UBXN11: variants seen among roughly 807,000 people sequenced by gnomAD.
UBXN11 encodes the protein UBX domain protein 11.
UBXN11 carries 47 observed loss-of-function variants against 62.8 expected under a neutral mutation model. The observed-to-expected ratio is 0.75, with a 90% CI of 0.59 to 0.95. UBXN11 has a LOEUF of 0.95. Among genes scored for constraint, UBXN11 ranks in the 40% least tolerant of loss-of-function variants. UBXN11 has a pLI of 0.00. For synonymous variants in UBXN11, 294 were observed against 267.0 expected (o/e 1.10, Z -0.99); for missense variants, 638 against 661.7 (o/e 0.96, Z 0.39).
upstream of UBXN11, among the ~76,000 whole-genome samples, chr1:26,307,624 CTTTT>C (rs58120340): frequency 2.8e-4 from 36 of 127,892 alleles, no homozygotes; most frequent in Non-Finnish European, 3.4e-4. Context: ...TTTTCTGTTG[CTTTT>C]TTTTTTTTTT....
intron 1 of UBXN11, among the ~76,000 whole-genome samples, chr1:26,304,062 C>A (rs964762366): frequency 1.3e-5 from 2 of 152,150 alleles, no homozygotes; most frequent in African/African-American, 4.8e-5. Flanking sequence ...CAGCCTGGAC[C>A]AAATTTTTTA....
chr1:26,301,519 C>T (rs1434135414), intron 3 of UBXN11, among the ~76,000 whole-genome samples, 175 bp downstream of exon 3: 1 of 152,136 alleles, frequency 6.6e-6, no homozygotes, highest in Non-Finnish European at 1.5e-5. Context: ...CTGAGAGCTT[C>T]CAGGAGGGAA....
At chr1:26,286,672 G>A (rs895440763) in intron 8 of UBXN11, among the ~76,000 whole-genome samples, 18 of 111,114 alleles carry the variant, frequency 1.6e-4, no homozygotes, top group Admixed American at 3.8e-4. Flanking sequence ...TGGTCCTTAC[G>A]CCAACCCTGA....
upstream of UBXN11, among the ~76,000 whole-genome samples, chr1:26,311,140 CTTTTTTT>C (rs58696772): frequency 7.3e-6 from 1 of 136,068 alleles, no homozygotes; most frequent in Non-Finnish European, 1.6e-5. Context: ...AGTCTCTATT[CTTTTTTT>C]TTTTTTTTTT....
At chr1:26,316,151 T>TTTTTGG (rs2073792540) in intron 1 of UBXN11, among the ~76,000 whole-genome samples, 1 of 135,500 alleles carries the variant, frequency 7.4e-6, no homozygotes, top group Non-Finnish European at 1.5e-5. Context: ...TTTTTTTTTT[T>TTTTTGG]GAGAGATGGG....
intron 8 of UBXN11, 32 bp downstream of exon 8, chr1:26,294,173 G>A (rs1217388271): frequency 1.2e-6 from 2 of 1,611,522 alleles, no homozygotes; most frequent in East Asian, 4.5e-5. Context: ...AATTCCTTTT[G>A]AAGAGGGCCT....
intron 5 of UBXN11, among the ~76,000 whole-genome samples, chr1:26,297,702 C>T (rs1012523053): frequency 3.3e-5 from 5 of 152,210 alleles, no homozygotes; most frequent in African/African-American, 1.2e-4. Context: ...CTGAGGGTGC[C>T]GCGCTCTGCT....
Position 26,286,342 on chromosome 1 carries a change from G to C in UBXN11, c.560-305C>G, listed in dbSNP as rs573706722. On this transcript the variant is annotated intron_variant, in intron 8 of 14. Transcript: ENST00000374222. Reference sequence around the variant, plus strand: ...TTAGAGAAAGTTACATGGCTTGTGAGAAACACAGTAGTAAGCAGCAGAAGC... The same window carrying C: ...TTAGAGAAAGTTACATGGCTTGTGACAAACACAGTAGTAAGCAGCAGAAGC... 1.6e-3 allele frequency among the ~76,000 whole-genome samples: 242 copies of C among 152,330 alleles called. 3 individuals carry two copies. Among genetic ancestry groups the C allele is most frequent in the Non-Finnish European group, 2.8e-4 (19 of 68,030 alleles).
At chr1:26,318,138 C>G (rs2073817589) in exon 1 of UBXN11, 4 of 1,345,104 alleles carry the variant, frequency 3.0e-6, no homozygotes, top group Non-Finnish European at 4.3e-6. Flanking sequence ...GGAGGGCATA[C>G]AGGATGTGAG....
intron 9 of UBXN11, 136 bp downstream of exon 9, chr1:26,285,687 G>A (rs886320192): frequency 4.9e-5 from 67 of 1,367,872 alleles, no homozygotes; most frequent in Non-Finnish European, 6.4e-5. Flanking sequence ...TGGGAGAGGG[G>A]CCTCTGCAAG....
rs148817360 is a variant in UBXN11 at position 26,291,293 on chromosome 1, G to A, written c.559+2912C>T. Among the ~76,000 whole-genome samples, 423 of 152,284 alleles carry A rather than the reference G, an allele frequency of 2.8e-3. 6 individuals carry two copies. The East Asian group carries it at 0.029, about 10-fold the overall frequency. On this transcript the variant is annotated intron_variant, in intron 8 of 14. Transcript: ENST00000374222. Reference sequence around the variant, plus strand: ...CTGGGGAGAGAGGAACGGGGACGCCGGAGAGATGTCCCAGGAACAGAAGCT... The same window carrying A: ...CTGGGGAGAGAGGAACGGGGACGCCAGAGAGATGTCCCAGGAACAGAAGCT...
intron 8 of UBXN11, among the ~76,000 whole-genome samples, chr1:26,290,825 G>A (rs79415900): frequency 0.015 from 2,284 of 151,452 alleles, 134 homozygotes; most frequent in Admixed American, 0.11. Flanking sequence ...TGAGGAGTGA[G>A]GAGCTCAGAG....
intron 3 of UBXN11, 48 bp from the exon 4 acceptor site, chr1:26,301,072 G>T: frequency 6.2e-7 from 1 of 1,613,394 alleles, no homozygotes; most frequent in Non-Finnish European, 8.5e-7. Context: ...GAGACCCAGA[G>T]GAAACTCAGG....
At chr1:26,304,460 T>A (rs2073613472) in intron 1 of UBXN11, among the ~76,000 whole-genome samples, 1 of 151,924 alleles carries the variant, frequency 6.6e-6, no homozygotes, top group African/African-American at 2.4e-5. Flanking sequence ...CAGAAAAAAA[T>A]TCAAAATTCT....
rs750242600 is a variant in UBXN11 at position 26,298,032 on chromosome 1, G to T, written c.230C>A (p.Ala77Asp). The T allele has an allele frequency of 6.2e-7, 1 of 1,613,794 alleles. No homozygotes were observed. Among genetic ancestry groups the T allele is most frequent in the Non-Finnish European group, 8.5e-7 (1 of 1,179,936 alleles). Reference sequence around the variant, plus strand: ...GTCCCACAACTTCCTCGTCATGAAGGCCATCAGCTCCGAGTCATGGGATGC... The same window carrying T: ...GTCCCACAACTTCCTCGTCATGAAGTCCATCAGCTCCGAGTCATGGGATGC... ...VPASHDSELM[A>D]FMTRKLWDLE... The change falls in exon 5 of 15, where the codon GCC becomes GAC. Residue 77 changes from alanine (A) to aspartate (D), a missense_variant. Ala to Asp is a moderately radical substitution (Grantham distance 126). Coordinates refer to ENST00000374222, the MANE Select transcript of UBXN11 (RefSeq NM_001389556.1).
intron 1 of UBXN11, among the ~76,000 whole-genome samples, chr1:26,313,930 G>A (rs1006706967): frequency 1.3e-5 from 2 of 151,888 alleles, no homozygotes; most frequent in African/African-American, 2.4e-5. Context: ...ACAGGTGCCC[G>A]CCACCATGCC....
intron 5 of UBXN11, among the ~76,000 whole-genome samples, chr1:26,297,705 G>A (rs190644624): frequency 4.1e-4 from 62 of 152,276 alleles, no homozygotes; most frequent in African/African-American, 1.5e-3. Context: ...AGGGTGCCGC[G>A]CTCTGCTCAG....
rs72872925 is a variant in UBXN11 at position 26,289,434 on chromosome 1, G to A, written c.560-3397C>T. On this transcript the variant is annotated intron_variant, in intron 8 of 14. Coordinates refer to ENST00000374222, the MANE Select transcript of UBXN11 (RefSeq NM_001389556.1). ...CCTTGCACCTACTCCCTTGGCCCTC[G>A]TCACAGGCCGCTGCTTTCTGCTTGC... is the stretch of plus-strand genomic sequence containing the variant. Among the ~76,000 whole-genome samples, 1,295 of 151,968 alleles carry A rather than the reference G, an allele frequency of 8.5e-3. 15 individuals carry two copies. Among genetic ancestry groups the A allele is most frequent in the African/African-American group, 0.03 (1,229 of 41,454 alleles).
At chr1:26,313,903 C>T in intron 1 of UBXN11, among the ~76,000 whole-genome samples, 1 of 151,906 alleles carries the variant, frequency 6.6e-6, no homozygotes, top group Non-Finnish European at 1.5e-5. Flanking sequence ...ACCTCAGCCT[C>T]CCGAGTAGCT....
Sources: gnomAD v4.1 joint callset for allele counts (sites outside exome capture counted in the v4.1 genomes callset) on GRCh38, gnomAD v4.1.1 for gene constraint, MANE v1.5 for transcripts, NCBI Gene and HGNC (gene_info 2026-07-23, HGNC 2026-07-21) for gene names.